Variants in RANBP2 observed in about 807,000 individuals in gnomAD.
RANBP2 encodes the protein RAN binding protein 2, also known as E3 SUMO-protein ligase RanBP2.
Under a neutral mutation model 303.6 loss-of-function variants are expected in RANBP2, and 57 were observed. The ratio of observed to expected loss-of-function variants is 0.19; its 90% confidence interval spans 0.15 to 0.23. RANBP2 has a LOEUF of 0.23. Among genes scored for constraint, RANBP2 ranks in the 10% least tolerant of loss-of-function variants. The pLI is 1.00. For missense variants in RANBP2, 3,138 were observed against 3,780.8 expected (o/e 0.83, Z 4.46); for synonymous variants, 1,167 against 1,301.5 (o/e 0.90, Z 2.23).
the RANBP2 span, among the ~76,000 whole-genome samples, chr2:109,524,444 C>CAAAAAAAAAAAAAAAAAAAAAA: frequency 2.4e-5 from 2 of 84,404 alleles, no homozygotes; most frequent in African/African-American, 1.3e-4. Context: ...GACCCTGTCT[C>CAAAAAAAAAAAAAAAAAAAAAA]AAAAAAAAAA....
chr2:109,188,223 A>T, the RANBP2 span, among the ~76,000 whole-genome samples: 1 of 152,216 alleles, frequency 6.6e-6, no homozygotes, highest in Admixed American at 6.5e-5. Flanking sequence ...CAGCTTTGCC[A>T]TGTAGCAGGG....
the RANBP2 span, among the ~76,000 whole-genome samples, chr2:109,450,778 G>C: frequency 6.6e-6 from 1 of 152,208 alleles, no homozygotes; most frequent in African/African-American, 2.4e-5. Context: ...GCTGGGTGCT[G>C]GGCAAGGAGC....
chr2:109,357,392 A>G, the RANBP2 span, among the ~76,000 whole-genome samples: 8 of 152,198 alleles, frequency 5.3e-5, no homozygotes, highest in South Asian at 2.1e-4. Flanking sequence ...CGTGTTAGCC[A>G]GGATGGTCTC....
the RANBP2 span, among the ~76,000 whole-genome samples, chr2:109,212,939 A>G: frequency 6.6e-6 from 1 of 152,184 alleles, no homozygotes; most frequent in African/African-American, 2.4e-5. Context: ...TGATTGGAAT[A>G]TAGTGGATGA....
At chr2:109,070,777 T>A in the RANBP2 span, among the ~76,000 whole-genome samples, 1 of 151,758 alleles carries the variant, frequency 6.6e-6, no homozygotes, top group Non-Finnish European at 1.5e-5. Context: ...GGAGGATCAC[T>A]TGAGCCCAGG....
the RANBP2 span, among the ~76,000 whole-genome samples, chr2:109,471,161 C>T: frequency 5.1e-5 from 7 of 136,852 alleles, no homozygotes; most frequent in Non-Finnish European, 9.0e-5. Context: ...TGCAATGAGC[C>T]GAGATCGTGC....
the RANBP2 span, among the ~76,000 whole-genome samples, chr2:109,624,982 G>A: frequency 6.6e-6 from 1 of 151,216 alleles, no homozygotes; most frequent in Non-Finnish European, 1.5e-5. Context: ...TTGGGAAGCT[G>A]AGGCAGGAGA....
the RANBP2 span, among the ~76,000 whole-genome samples, chr2:109,593,294 A>T: frequency 2.0e-5 from 3 of 152,198 alleles, no homozygotes; most frequent in Admixed American, 6.5e-5. Context: ...CTTGCTGGAT[A>T]GGTATCTACA....
At chr2:109,223,398 G>A in the RANBP2 span, among the ~76,000 whole-genome samples, 6 of 152,340 alleles carry the variant, frequency 3.9e-5, no homozygotes, top group South Asian at 1.2e-3. Flanking sequence ...GCTGCCGTGT[G>A]CTCGCTGTGA....
chr2:109,459,817 C>G, the RANBP2 span, among the ~76,000 whole-genome samples: 1 of 152,186 alleles, frequency 6.6e-6, no homozygotes, highest in Non-Finnish European at 1.5e-5. Flanking sequence ...GAACAAGAAG[C>G]AGACATTTTG....
chr2:109,647,530 G>A, the RANBP2 span, among the ~76,000 whole-genome samples: 898 of 150,594 alleles, frequency 6.0e-3, 10 homozygotes, highest in African/African-American at 0.021. Context: ...GTGCAATGGC[G>A]TGATCTCGGC....
chr2:109,356,269 C>T, the RANBP2 span, among the ~76,000 whole-genome samples: 2 of 152,122 alleles, frequency 1.3e-5, no homozygotes, highest in African/African-American at 2.4e-5. Flanking sequence ...TAGATCCCAC[C>T]GCCCTCCTGA....
the RANBP2 span, among the ~76,000 whole-genome samples, chr2:108,830,889 A>G: frequency 6.6e-6 from 1 of 151,026 alleles, no homozygotes; most frequent in Admixed American, 6.6e-5. Flanking sequence ...GGCCAGGACA[A>G]CTTGGCCAGG....
chr2:108,722,906 GA>G (rs997516442), intron 1 of RANBP2, among the ~76,000 whole-genome samples: 359 of 138,506 alleles, frequency 2.6e-3, no homozygotes, highest in Non-Finnish European at 4.2e-3. Context: ...AAGAAAAAAA[GA>G]AAAAAAAATA....
chr2:109,505,879 A>G, the RANBP2 span, among the ~76,000 whole-genome samples: 1 of 152,294 alleles, frequency 6.6e-6, no homozygotes, highest in African/African-American at 2.4e-5. Context: ...GAGGAAATGC[A>G]GGCAATGCCC....
the RANBP2 span, among the ~76,000 whole-genome samples, chr2:109,326,839 T>C: frequency 6.6e-6 from 1 of 152,202 alleles, no homozygotes; most frequent in African/African-American, 2.4e-5. Flanking sequence ...AGAGTATCCG[T>C]AGGTGCGCAC....
the RANBP2 span, among the ~76,000 whole-genome samples, chr2:108,978,254 C>T: frequency 6.6e-6 from 1 of 152,142 alleles, no homozygotes; most frequent in Admixed American, 6.5e-5. Context: ...AGGATCCAGG[C>T]AGGGCGTGGA....
chr2:109,349,526 C>T, the RANBP2 span, among the ~76,000 whole-genome samples: 2 of 152,198 alleles, frequency 1.3e-5, no homozygotes, highest in African/African-American at 4.8e-5. Context: ...AGACCTGGGA[C>T]CACTGGTGCC....
At chr2:109,068,226 C>T in the RANBP2 span, among the ~76,000 whole-genome samples, 4,255 of 152,278 alleles carry the variant, frequency 0.028, 198 homozygotes, top group African/African-American at 0.097. Context: ...TCTAGAATGG[C>T]GGTTCTCAAC....
Sources: gnomAD v4.1 joint callset for allele counts (sites outside exome capture counted in the v4.1 genomes callset) on GRCh38, gnomAD v4.1.1 for gene constraint, MANE v1.5 for transcripts, NCBI Gene and HGNC (gene_info 2026-07-23, HGNC 2026-07-21) for gene names.